The following EIF3E variants were observed in gnomAD, a reference collection of about 807,000 sequenced individuals.
EIF3E encodes eIF-3 p48.
A neutral mutation model predicts 59.3 loss-of-function variants in EIF3E; 25 were observed. The ratio of observed to expected loss-of-function variants is 0.42; its 90% confidence interval spans 0.31 to 0.59. EIF3E has a LOEUF of 0.59. Among genes scored for constraint, EIF3E ranks in the 20% least tolerant of loss-of-function variants. EIF3E has a pLI of 0.15. For missense variants in EIF3E, 317 were observed against 534.3 expected (o/e 0.59, Z 4.01); for synonymous variants, 176 against 170.2 (o/e 1.03, Z -0.26).
At chr8:108,238,464 C>T (rs924244571) in intron 3 of EIF3E, among the ~76,000 whole-genome samples, 3 of 152,198 alleles carry the variant, frequency 2.0e-5, no homozygotes, top group Non-Finnish European at 4.4e-5. Flanking sequence ...ATTACTTACA[C>T]TTAATGCAAT....
chr8:108,232,207 T>C (rs527650397), intron 5 of EIF3E, among the ~76,000 whole-genome samples: 1 of 152,288 alleles, frequency 6.6e-6, no homozygotes, highest in Admixed American at 6.5e-5. Flanking sequence ...ATCTATTCTT[T>C]TAAGCTTGGC....
intron 1 of EIF3E, among the ~76,000 whole-genome samples, chr8:108,245,102 A>C (rs73699663): frequency 0.011 from 1,646 of 150,918 alleles, 24 homozygotes; most frequent in African/African-American, 0.035. Flanking sequence ...TCCTTACCTT[A>C]CTCCTCAAAA....
chr8:108,243,010 C>A (rs966783608), intron 1 of EIF3E, among the ~76,000 whole-genome samples: 3 of 152,022 alleles, frequency 2.0e-5, no homozygotes, highest in Non-Finnish European at 2.9e-5. Flanking sequence ...CAAATGGGTG[C>A]ATATAGTCAA....
chr8:108,242,931 T>C (rs1586212080), intron 1 of EIF3E: 1 of 153,374 alleles, frequency 6.5e-6, no homozygotes, highest in African/African-American at 2.4e-5. Context: ...TACAACTACT[T>C]TGTAAGATTT....
chr8:108,216,900 G>A (rs1013652813), intron 8 of EIF3E, among the ~76,000 whole-genome samples: 1 of 151,950 alleles, frequency 6.6e-6, no homozygotes, highest in Admixed American at 6.6e-5. Flanking sequence ...TCTAATCTAC[G>A]GGTTTTGCTG....
chr8:108,214,863 T>C (rs993602927), intron 9 of EIF3E, 147 bp from the exon 10 acceptor site: 1 of 653,618 alleles, frequency 1.5e-6, no homozygotes, highest in Non-Finnish European at 2.6e-6. Context: ...TTCAAATCTT[T>C]AATGATTTAA....
intron 5 of EIF3E, among the ~76,000 whole-genome samples, chr8:108,230,672 T>C (rs1378879407): frequency 6.6e-6 from 1 of 152,172 alleles, no homozygotes; most frequent in African/African-American, 2.4e-5. Flanking sequence ...CTCCTGGTTC[T>C]AGTTATTATC....
intron 9 of EIF3E, 42 bp from the exon 10 acceptor site, chr8:108,214,758 C>A: frequency 6.5e-7 from 1 of 1,527,886 alleles, no homozygotes; most frequent in Non-Finnish European, 8.9e-7. Flanking sequence ...TGCTGACAAG[C>A]AATTGCCTGA....
intron 7 of EIF3E, among the ~76,000 whole-genome samples, chr8:108,223,919 TTAAAAA>T (rs1289663373): frequency 6.6e-6 from 1 of 151,346 alleles, no homozygotes; most frequent in Non-Finnish European, 1.5e-5. Context: ...TACTTTTATA[TTAAAAA>T]TAAAAAGTAT....
At chr8:108,205,641 G>A (rs570646058) in intron 10 of EIF3E, among the ~76,000 whole-genome samples, 1 of 152,238 alleles carries the variant, frequency 6.6e-6, no homozygotes, top group South Asian at 2.1e-4. Flanking sequence ...ATCTTGTATT[G>A]TCCTACTGTC....
chr8:108,214,889 A>G (rs922729795), intron 9 of EIF3E, among the ~76,000 whole-genome samples, 173 bp from the exon 10 acceptor site: 1 of 152,230 alleles, frequency 6.6e-6, no homozygotes, highest in African/African-American at 2.4e-5. Flanking sequence ...TAGTAAACGA[A>G]TACCACAAGA....
Position 108,240,062 on chromosome 8 carries a change from T to C in EIF3E, c.219A>G (p.Lys73=). The C allele has an allele frequency of 6.2e-7, 1 of 1,613,774 alleles. No individual in the cohort carries two copies. The highest frequency in any genetic ancestry group is 1.7e-5 in the Admixed American group (1 of 60,026). ...SDDIPHALRE[K]RTTVVAQLKQ... Reference sequence around the variant, plus strand: ...TCAGTTGTGCAACCACTGTGGTTCTTTTCTCTCTCAAAGCTAATTAAAAAT... The same window carrying C: ...TCAGTTGTGCAACCACTGTGGTTCTCTTCTCTCTCAAAGCTAATTAAAAAT... Residue 73 remains lysine (K), a synonymous_variant, in exon 3 of 13, where the codon AAA becomes AAG. Coordinates refer to ENST00000220849, the MANE Select transcript of EIF3E (RefSeq NM_001568.3).
intron 10 of EIF3E, among the ~76,000 whole-genome samples, chr8:108,213,427 C>CA (rs748843402): frequency 3.3e-4 from 50 of 151,152 alleles, no homozygotes; most frequent in South Asian, 1.3e-3. Flanking sequence ...GCTAAAGATG[C>CA]AAAAAAAAGG....
rs1554597651 is a variant in EIF3E at position 108,201,250 on chromosome 8, C to CAGATATATATATATATATATATATAT, written c.*634_*635insATATATATATATATATATATATATCT. On this transcript the variant is annotated 3_prime_UTR_variant, in exon 13 of 13. Coordinates refer to ENST00000220849, the MANE Select transcript of EIF3E (RefSeq NM_001568.3). The stretch of plus-strand genomic sequence containing the variant: ...AATAAAAAAGGAATTAACTACTGAT[C>CAGATATATATATATATATATATATAT]ATATATATATATATATCTATCTCTC... 1 of 122,892 alleles carries CAGATATATATATATATATATATATAT rather than the reference C, an allele frequency of 8.1e-6. No individual in the cohort carries two copies. The highest frequency in any genetic ancestry group is 1.7e-5 in the Non-Finnish European group (1 of 60,064). The allele number at this position is 122,892 out of a possible 1,614,324, so 7.6% of individuals were successfully genotyped here.
chr8:108,216,346 G>C, intron 9 of EIF3E, 66 bp downstream of exon 9: 1 of 1,202,020 alleles, frequency 8.3e-7, no homozygotes, highest in Non-Finnish European at 1.2e-6. Flanking sequence ...GACACTGCAA[G>C]ATTAACGTTA....
chr8:108,208,869 T>G (rs951897809), intron 10 of EIF3E, among the ~76,000 whole-genome samples: 1 of 152,126 alleles, frequency 6.6e-6, no homozygotes, highest in Admixed American at 6.5e-5. Flanking sequence ...ATACCATAGC[T>G]GATAAAATGA....
intron 10 of EIF3E, among the ~76,000 whole-genome samples, chr8:108,206,906 G>T (rs1396603548): frequency 6.6e-6 from 1 of 152,038 alleles, no homozygotes; most frequent in East Asian, 1.9e-4. Context: ...AACATAGCTG[G>T]TGTAATTTTG....
chr8:108,209,483 T>A (rs552840821), intron 10 of EIF3E, among the ~76,000 whole-genome samples: 59 of 152,274 alleles, frequency 3.9e-4, no homozygotes, highest in Non-Finnish European at 4.4e-5. Context: ...TTCCCAAAAT[T>A]ACAAATATTT....
rs2129939203 is a variant in EIF3E at position 108,248,713 on chromosome 8, A to G, written c.-11T>C. 2 of 1,614,074 alleles carry G rather than the reference A, an allele frequency of 1.2e-6. No individual in the cohort carries two copies. Among genetic ancestry groups the G allele is most frequent in the East Asian group, 2.2e-5 (1 of 44,872 alleles). On this transcript the variant is annotated 5_prime_UTR_variant, in exon 1 of 13. Coordinates refer to ENST00000220849, the MANE Select transcript of EIF3E (RefSeq NM_001568.3). ...GTCGTACTCCGCCATCTTGCCAAAG[A>G]AAAGGGAGTCTGTGCTCACTAAAAC...
Sources: gnomAD v4.1 joint callset for allele counts (sites outside exome capture counted in the v4.1 genomes callset) on GRCh38, gnomAD v4.1.1 for gene constraint, MANE v1.5 for transcripts, NCBI Gene and HGNC (gene_info 2026-07-23, HGNC 2026-07-21) for gene names.